Variants in STXBP5L observed in about 807,000 individuals in gnomAD.
STXBP5L encodes the protein syntaxin-binding protein 5-like.
STXBP5L carries 65 observed loss-of-function variants against 144.5 expected under a neutral mutation model. The observed-to-expected ratio is 0.45, with a 90% CI of 0.37 to 0.55. STXBP5L has a LOEUF of 0.55. STXBP5L is among the 20% of genes least tolerant of loss of function. The probability of loss-of-function intolerance (pLI) is 0.00; values close to 1 mark genes in which losing one functional copy is unlikely to be tolerated. For missense variants in STXBP5L, 1,298 were observed against 1,405.5 expected (o/e 0.92, Z 1.22); for synonymous variants, 505 against 469.6 (o/e 1.08, Z -0.97).
intron 22 of STXBP5L, among the ~76,000 whole-genome samples, chr3:121,390,612 A>T (rs549386194): frequency 6.6e-6 from 1 of 152,152 alleles, no homozygotes; most frequent in Non-Finnish European, 1.5e-5. Flanking sequence ...GTATTTGCTT[A>T]TCTGTAAAGG....
rs1191308145 is a variant in STXBP5L, at chr3:121,343,778, G to A, written c.2176+25238G>A. Among the ~76,000 whole-genome samples, 2 of 152,154 alleles carry A rather than the reference G, an allele frequency of 1.3e-5. 1 individual carries two copies. The highest frequency in any genetic ancestry group is 4.1e-4 in the South Asian group (2 of 4,826). Reference sequence around the variant, plus strand: ...ATAAACAAATGGAAGAACATTCCATGCTCATGGGTAGGAAGAATCAATATC... The same window carrying A: ...ATAAACAAATGGAAGAACATTCCATACTCATGGGTAGGAAGAATCAATATC... On this transcript the variant is annotated intron_variant, in intron 20 of 26. Transcript: ENST00000471454.
At chr3:121,317,802 GA>G (rs2043834115) in intron 19 of STXBP5L, among the ~76,000 whole-genome samples, 1 of 151,948 alleles carries the variant, frequency 6.6e-6, no homozygotes, top group African/African-American at 2.4e-5. Flanking sequence ...ATTGGAAAGA[GA>G]AAAATATAGT....
At chr3:120,921,356 A>T (rs1709350775) in intron 2 of STXBP5L, among the ~76,000 whole-genome samples, 1 of 151,716 alleles carries the variant, frequency 6.6e-6, no homozygotes, top group African/African-American at 2.4e-5. Flanking sequence ...GTTTGAGCTT[A>T]TTATATATTC....
chr3:120,997,618 G>A (rs930975283), intron 3 of STXBP5L, among the ~76,000 whole-genome samples: 10 of 152,032 alleles, frequency 6.6e-5, no homozygotes, highest in African/African-American at 2.4e-4. Flanking sequence ...AATTTTTAGT[G>A]GGGTTGTTTG....
intron 3 of STXBP5L, among the ~76,000 whole-genome samples, chr3:120,986,786 A>G (rs1258166725): frequency 6.6e-6 from 1 of 151,994 alleles, no homozygotes; most frequent in Non-Finnish European, 1.5e-5. Flanking sequence ...TGAGAGCTGA[A>G]AATTACAATA....
At chr3:121,321,528 G>A (rs2043970350) in intron 20 of STXBP5L, among the ~76,000 whole-genome samples, 1 of 152,158 alleles carries the variant, frequency 6.6e-6, no homozygotes, top group Admixed American at 6.5e-5. Context: ...GTAATCTCTT[G>A]CTGTTGTAGG....
At chr3:121,042,510 A>G (rs1947230124) in intron 4 of STXBP5L, among the ~76,000 whole-genome samples, 1 of 152,158 alleles carries the variant, frequency 6.6e-6, no homozygotes, top group Admixed American at 6.6e-5. Context: ...TGCCATGCCA[A>G]ATGCAGGCAC....
intron 5 of STXBP5L, among the ~76,000 whole-genome samples, chr3:121,055,288 T>C (rs1043178504): frequency 1.3e-5 from 2 of 152,076 alleles, no homozygotes; most frequent in Non-Finnish European, 2.9e-5. Flanking sequence ...TAACCAAGCA[T>C]CTTTTGGGAC....
intron 5 of STXBP5L, among the ~76,000 whole-genome samples, chr3:121,056,446 CTA>C (rs1177901265): frequency 6.6e-6 from 1 of 152,088 alleles, no homozygotes; most frequent in African/African-American, 2.4e-5. Context: ...TTTCTGAAAA[CTA>C]TTAACTAAAC....
intron 20 of STXBP5L, among the ~76,000 whole-genome samples, chr3:121,340,906 G>C (rs1247677110): frequency 6.6e-6 from 1 of 152,050 alleles, no homozygotes; most frequent in Admixed American, 6.6e-5. Flanking sequence ...TTGCTAGCTT[G>C]TTTATGCAAT....
intron 2 of STXBP5L, among the ~76,000 whole-genome samples, chr3:120,952,692 T>C (rs988187063): frequency 6.6e-6 from 1 of 152,126 alleles, no homozygotes; most frequent in African/African-American, 2.4e-5. Context: ...TAATGTCATT[T>C]TTCTTCTTTT....
chr3:121,221,572 A>G (rs893496915), intron 10 of STXBP5L, among the ~76,000 whole-genome samples: 37 of 151,510 alleles, frequency 2.4e-4, no homozygotes, highest in African/African-American at 8.9e-4. Flanking sequence ...AAACCCCCAC[A>G]CTATTTCATA....
intron 22 of STXBP5L, among the ~76,000 whole-genome samples, chr3:121,399,012 G>C (rs2046804902): frequency 6.6e-6 from 1 of 152,084 alleles, no homozygotes; most frequent in African/African-American, 2.4e-5. Flanking sequence ...GATCTGGAGG[G>C]TCAGGCCACT....
At chr3:121,155,472 T>G (rs1485845462) in intron 8 of STXBP5L, among the ~76,000 whole-genome samples, 1 of 151,902 alleles carries the variant, frequency 6.6e-6, no homozygotes, top group East Asian at 1.9e-4. Context: ...TTTTTGGATT[T>G]CCTTCTTCTT....
At chr3:121,106,954 T>C (rs2043742023) in intron 5 of STXBP5L, among the ~76,000 whole-genome samples, 1 of 152,232 alleles carries the variant, frequency 6.6e-6, no homozygotes, top group Non-Finnish European at 1.5e-5. Flanking sequence ...AGTGAGATGG[T>C]ATTACATTGT....
chr3:120,978,837 C>T (rs934429039), intron 3 of STXBP5L, among the ~76,000 whole-genome samples: 24 of 152,222 alleles, frequency 1.6e-4, no homozygotes, highest in Non-Finnish European at 2.8e-4. Context: ...TCGGTATCAG[C>T]AGCGGTGGCT....
chr3:121,051,540 A>G (rs772096214), intron 5 of STXBP5L, among the ~76,000 whole-genome samples: 1 of 152,234 alleles, frequency 6.6e-6, no homozygotes, highest in Non-Finnish European at 1.5e-5. Context: ...GAAACCAACG[A>G]AAACAAAGAC....
At chr3:120,917,257 AG>A (rs1485677115) in intron 2 of STXBP5L, among the ~76,000 whole-genome samples, 7 of 152,202 alleles carry the variant, frequency 4.6e-5, no homozygotes, top group Non-Finnish European at 7.3e-5. Flanking sequence ...GAAATTGATT[AG>A]GGTAAACATA....
At chr3:121,115,699 T>C (rs540263298) in intron 6 of STXBP5L, among the ~76,000 whole-genome samples, 1 of 152,260 alleles carries the variant, frequency 6.6e-6, no homozygotes, top group African/African-American at 2.4e-5. Flanking sequence ...GAGGTTTAAT[T>C]GGCTTATGGT....
Sources: allele counts gnomAD v4.1 joint callset (sites outside exome capture counted in the v4.1 genomes callset), GRCh38; gene constraint gnomAD v4.1.1; transcripts MANE v1.5; gene names NCBI Gene and HGNC (gene_info 2026-07-23, HGNC 2026-07-21).